The following LHFPL3 variants were observed in gnomAD, a reference collection of about 807,000 sequenced individuals.
LHFPL3 encodes LHFPL tetraspan subfamily member 3 protein.
In LHFPL3, 5 loss-of-function variants were observed where a neutral mutation model predicts 19.3. That is an observed-to-expected ratio of 0.26 (90% confidence interval 0.14 to 0.54). The LOEUF (loss-of-function observed/expected upper bound fraction) is 0.54, where lower values mean the gene tolerates loss of function less well. LHFPL3 is among the 20% of genes least tolerant of loss of function. LHFPL3 has a pLI of 0.94. For synonymous variants in LHFPL3, 133 were observed against 126.2 expected (o/e 1.05, Z -0.36); for missense variants, 249 against 307.4 (o/e 0.81, Z 1.42).
chr7:104,531,844 C>G (rs977035047), intron 1 of LHFPL3, among the ~76,000 whole-genome samples: 4 of 152,044 alleles, frequency 2.6e-5, no homozygotes, highest in African/African-American at 9.7e-5. Flanking sequence ...GTGGTTTTGT[C>G]AAGGTGCTGG....
At position 104,328,682 on chromosome 7, in the gene LHFPL3, T is replaced by G. The variant is rs1367794845; in HGVS notation, c.-98T>G. On this transcript the variant is annotated 5_prime_UTR_variant, in exon 1 of 3. Coordinates refer to ENST00000424859, the MANE Select transcript of LHFPL3 (RefSeq NM_199000.3). The surrounding 1 kb of genome is among the most constrained non-coding windows in gnomAD (Gnocchi z 4.6). The stretch of plus-strand genomic sequence containing the variant: ...TGGGCTGAGGCGGAGGCAGGGGAGT[T>G]GCAGCGCGCGAGGCTCCGTGAGTGT... The G allele has an allele frequency of 7.5e-6, 8 of 1,063,348 alleles. No homozygotes were observed. The highest frequency in any genetic ancestry group is 1.1e-5 in the Non-Finnish European group (8 of 732,610). 65.9% of individuals were successfully genotyped at this position (1,063,348 alleles called of 1,614,324 possible). A position where few individuals can be genotyped will look rare whatever the true frequency, so the allele number is the denominator to read the frequency against.
At chr7:104,654,835 C>G (rs910124589) in intron 1 of LHFPL3, among the ~76,000 whole-genome samples, 1 of 152,184 alleles carries the variant, frequency 6.6e-6, no homozygotes, top group South Asian at 2.1e-4. Flanking sequence ...CTTCACCCCA[C>G]CAGCCCCTTC....
chr7:104,480,723 A>G (rs960902295), intron 1 of LHFPL3, among the ~76,000 whole-genome samples: 1 of 152,218 alleles, frequency 6.6e-6, no homozygotes, highest in African/African-American at 2.4e-5. Flanking sequence ...CAGAGCTGAA[A>G]TTATGGCCAG....
chr7:104,844,573 T>G (rs1791277641), intron 2 of LHFPL3, among the ~76,000 whole-genome samples: 1 of 152,210 alleles, frequency 6.6e-6, no homozygotes, highest in Non-Finnish European at 1.5e-5. Flanking sequence ...GCATCTAAAA[T>G]TCTCTCTAAG....
chr7:104,695,640 G>C (rs990363729), intron 1 of LHFPL3, among the ~76,000 whole-genome samples: 7 of 152,180 alleles, frequency 4.6e-5, no homozygotes, highest in Admixed American at 1.3e-4. Flanking sequence ...TCTGGGTGAG[G>C]TCCATGCAGA....
chr7:104,400,623 A>AT (rs1216822060), intron 1 of LHFPL3, among the ~76,000 whole-genome samples: 2 of 152,210 alleles, frequency 1.3e-5, no homozygotes, highest in African/African-American at 4.8e-5. Flanking sequence ...TAAGTGATAC[A>AT]TGAAAAAAAT....
At chr7:104,580,906 G>A (rs1363188355) in intron 1 of LHFPL3, among the ~76,000 whole-genome samples, 1 of 151,860 alleles carries the variant, frequency 6.6e-6, no homozygotes, top group Non-Finnish European at 1.5e-5. Context: ...ATTTATGAAT[G>A]TACCATTTTT....
rs1562895114 is a variant in LHFPL3, at chr7:104,430,399, TATATAC to T, written c.445+101181_445+101186del. ...ATATATATACATATATATATATATA[TATATAC>T]ATATATATATATACATATATATATA... On this transcript the variant is annotated intron_variant, in intron 1 of 2. Transcript: ENST00000424859. Among the ~76,000 whole-genome samples the T allele has an allele frequency of 1.7e-3, 66 of 37,968 alleles. 1 individual carries two copies. Among genetic ancestry groups the T allele is most frequent in the African/African-American group, 0.013 (57 of 4,376 alleles). 24.9% of individuals were successfully genotyped at this position (37,968 alleles called of 152,430 possible).
At chr7:104,745,204 G>A (rs570887533) in intron 2 of LHFPL3, among the ~76,000 whole-genome samples, 40 of 152,232 alleles carry the variant, frequency 2.6e-4, no homozygotes, top group Admixed American at 4.6e-4. Flanking sequence ...TCGGCTGCAG[G>A]GTTCCTGGGA....
chr7:104,418,763 C>G (rs1791673264), intron 1 of LHFPL3, among the ~76,000 whole-genome samples: 1 of 152,118 alleles, frequency 6.6e-6, no homozygotes, highest in African/African-American at 2.4e-5. Flanking sequence ...TTCTGAAGAA[C>G]AGAGATGGAG....
intron 1 of LHFPL3, among the ~76,000 whole-genome samples, chr7:104,717,241 C>T (rs1364747527): frequency 6.6e-6 from 1 of 152,050 alleles, no homozygotes. Flanking sequence ...TAACATTAGT[C>T]TTGGCAATGA....
At chr7:104,343,302 C>A (rs1239607915) in intron 1 of LHFPL3, among the ~76,000 whole-genome samples, 1 of 151,700 alleles carries the variant, frequency 6.6e-6, no homozygotes, top group Non-Finnish European at 1.5e-5. Context: ...ATCATGAGGT[C>A]AGGGGTTCAA....
At chr7:104,622,132 C>G (rs529343898) in intron 1 of LHFPL3, among the ~76,000 whole-genome samples, 14 of 152,276 alleles carry the variant, frequency 9.2e-5, no homozygotes, top group African/African-American at 3.4e-4. Flanking sequence ...TTAGACATCT[C>G]TCTTTGTCAC....
intron 1 of LHFPL3, among the ~76,000 whole-genome samples, chr7:104,394,888 A>G (rs1367020532): frequency 1.3e-5 from 2 of 151,954 alleles, no homozygotes; most frequent in East Asian, 3.9e-4. Context: ...TTTAGTAGAG[A>G]TAGGGTTTCA....
chr7:104,719,013 T>A (rs954678616), intron 1 of LHFPL3, among the ~76,000 whole-genome samples: 2 of 152,326 alleles, frequency 1.3e-5, no homozygotes, highest in Non-Finnish European at 1.5e-5. Flanking sequence ...AGATTTTAGC[T>A]TGTGAAAATG....
intron 1 of LHFPL3, among the ~76,000 whole-genome samples, chr7:104,670,688 G>A (rs1792460008): frequency 6.6e-6 from 1 of 152,134 alleles, no homozygotes; most frequent in South Asian, 2.1e-4. Flanking sequence ...ATTGATCAGA[G>A]TGCTCTAGAA....
chr7:104,628,495 CTATA>C (rs1791585152), intron 1 of LHFPL3, among the ~76,000 whole-genome samples: 1 of 152,138 alleles, frequency 6.6e-6, no homozygotes, highest in East Asian at 1.9e-4. Flanking sequence ...AAGAATCTTT[CTATA>C]TTTACAAAGT....
chr7:104,862,854 C>T (rs1448165393), intron 2 of LHFPL3, among the ~76,000 whole-genome samples: 1 of 152,158 alleles, frequency 6.6e-6, no homozygotes, highest in Non-Finnish European at 1.5e-5. Flanking sequence ...ACCTGGGATC[C>T]CCTAGCTGCC....
chr7:104,453,031 C>T (rs1487915529), intron 1 of LHFPL3, among the ~76,000 whole-genome samples: 1 of 152,028 alleles, frequency 6.6e-6, no homozygotes, highest in Non-Finnish European at 1.5e-5. Flanking sequence ...AAAGAACAGC[C>T]CTGTGTCTGT....
Sources: gnomAD v4.1 joint callset for allele counts (sites outside exome capture counted in the v4.1 genomes callset) on GRCh38, gnomAD v4.1.1 for gene constraint, Gnocchi (gnomAD v3.1) non-coding constraint, MANE v1.5 for transcripts, NCBI Gene and HGNC (gene_info 2026-07-23, HGNC 2026-07-21) for gene names.